Variants in ASMT observed in about 807,000 individuals in gnomAD.
ASMT encodes the protein acetylserotonin N-methyltransferase.
ASMT carries 53 observed loss-of-function variants against 41.3 expected under a neutral mutation model. The observed-to-expected ratio is 1.28, with a 90% CI of 1.03 to 1.61. The LOEUF is 1.61. ASMT is among the 40% of genes most tolerant of loss of function. The pLI is 0.00. For synonymous variants in ASMT, 231 were observed against 184.8 expected (o/e 1.25, Z -2.03); for missense variants, 531 against 441.3 (o/e 1.20, Z -1.82).
chrX:1,625,483 A>G, intron 3 of ASMT, among the ~76,000 whole-genome samples: 1 of 137,048 alleles, frequency 7.3e-6, no homozygotes. Flanking sequence ...AACAGAGCAA[A>G]AACTCTGTCT....
intron 4 of ASMT, chrX:1,628,046 C>T (rs756310135): frequency 7.6e-5 from 40 of 525,676 alleles, no homozygotes; most frequent in African/African-American, 5.3e-4. Context: ...ACGCGCCGGG[C>T]GCGGTGGCTC....
At chrX:1,633,412 A>G (rs1934849515) in intron 7 of ASMT, 122 bp downstream of exon 7, 1 of 1,132,924 alleles carries the variant, frequency 8.8e-7, no homozygotes, top group South Asian at 1.2e-5. Context: ...AACACCCTCA[A>G]CTCAACACTG....
intron 2 of ASMT, 94 bp downstream of exon 2, chrX:1,623,407 TCA>T (rs1454311457): frequency 6.7e-7 from 1 of 1,492,876 alleles, no homozygotes; most frequent in Non-Finnish European, 9.3e-7. Context: ...CCATCCTGGC[TCA>T]CACAGTGAAA....
At chrX:1,634,934 G>C (rs1428747598) in intron 7 of ASMT, among the ~76,000 whole-genome samples, 1 of 150,370 alleles carries the variant, frequency 6.7e-6, no homozygotes, top group South Asian at 2.1e-4. Context: ...CAAAGTGCTG[G>C]GGATTACAGG....
intron 1 of ASMT, among the ~76,000 whole-genome samples, chrX:1,621,777 C>A (rs1239976613): frequency 6.6e-6 from 1 of 152,126 alleles, no homozygotes; most frequent in Non-Finnish European, 1.5e-5. Flanking sequence ...CTCACCACAA[C>A]CTCTGCCTCC....
Position 1,627,803 on chromosome X carries a change from A to C in ASMT, c.443+32A>C, listed in dbSNP as rs201647880. 137 of 1,591,618 alleles carry C rather than the reference A, an allele frequency of 8.6e-5. No individual in the cohort carries two copies. The East Asian group carries it at 1.6e-3, about 19-fold the overall frequency. On this transcript the variant is annotated intron_variant, in intron 4 of 8. Transcript: ENST00000381241. ...CCCATCACTTTGAAACCAACAACTC[A>C]GATAAGATTCTGTTTATTTTTAAAG...
At chrX:1,629,970 G>C in intron 5 of ASMT, 31 bp downstream of exon 5, 1 of 1,559,660 alleles carries the variant, frequency 6.4e-7, no homozygotes, top group South Asian at 1.1e-5. Flanking sequence ...ATACCTCGGA[G>C]GTGTGGCTTC....
rs780812883 is a variant in ASMT at position 1,633,117 on chromosome X, T to C, written c.647-33T>C. The C allele has an allele frequency of 5.0e-6, 8 of 1,613,618 alleles. No individual in the cohort carries two copies. The South Asian group carries it at 8.8e-5, about 18-fold the overall frequency. On this transcript the variant is annotated intron_variant, in intron 6 of 8. Transcript: ENST00000381241. ...GTGAGCGATGTCTCTCAGGTTCATC[T>C]CTGAGGGTCAAACGGGCTGTGTCCC... is the stretch of plus-strand genomic sequence containing the variant.
chrX:1,632,746 C>T lies in ASMT; in HGVS notation c.605C>T (p.Ser202Leu), dbSNP rs764979494. The change falls in exon 6 of 9, where the codon TCG becomes TTG. Residue 202 changes from serine (S) to leucine (L), a missense_variant. Ser to Leu is a moderately radical substitution (Grantham distance 145, BLOSUM62 -2). Coordinates refer to ENST00000381241, the MANE Select transcript of ASMT (RefSeq NM_001171038.2). ...GAAACCATCATTCTCAGCAAACTAT[C>T]GCAAGGACAGAAAACCAAACACCGC... ...KLETIILSKL[S>L]QGQKTKHRVF... 19 of 300,120 alleles carry T rather than the reference C, an allele frequency of 6.3e-5. No individual in the cohort carries two copies. Among genetic ancestry groups the T allele is most frequent in the South Asian group, 2.6e-4 (7 of 26,734 alleles). 18.6% of individuals were successfully genotyped at this position (300,120 alleles called of 1,614,324 possible).
At chrX:1,621,254 C>T (rs1284966381) in intron 1 of ASMT, among the ~76,000 whole-genome samples, 1 of 152,166 alleles carries the variant, frequency 6.6e-6, no homozygotes, top group Admixed American at 6.6e-5. Context: ...ACTAAGGTTG[C>T]CTGAGCCTTG....
At chrX:1,617,071 G>T (rs1386261897) in intron 1 of ASMT, among the ~76,000 whole-genome samples, 1 of 152,154 alleles carries the variant, frequency 6.6e-6, no homozygotes, top group African/African-American at 2.4e-5. Context: ...TACTCAGGAG[G>T]CTGAGGCGGG....
At chrX:1,619,647 C>T (rs1934268928) in intron 1 of ASMT, among the ~76,000 whole-genome samples, 1 of 147,860 alleles carries the variant, frequency 6.8e-6, no homozygotes, top group Non-Finnish European at 1.5e-5. Context: ...TTAACAGAAA[C>T]AGTTAATGCA....
intron 7 of ASMT, among the ~76,000 whole-genome samples, chrX:1,635,840 C>A (rs1934937832): frequency 6.6e-6 from 1 of 150,892 alleles, no homozygotes; most frequent in African/African-American, 2.4e-5. Flanking sequence ...CCAGCCTGGG[C>A]AACAAGAGCA....
chrX:1,622,271 C>T (rs1423147983), intron 1 of ASMT, among the ~76,000 whole-genome samples: 2 of 150,752 alleles, frequency 1.3e-5, no homozygotes, highest in African/African-American at 2.4e-5. Context: ...GGATTACAGG[C>T]GTGAGCCACC....
chrX:1,627,762 C>T lies in ASMT; in HGVS notation c.434C>T (p.Ala145Val). The T allele has an allele frequency of 6.2e-7, 1 of 1,613,790 alleles. No individual in the cohort carries two copies. Among genetic ancestry groups the T allele is most frequent in the African/African-American group, 1.3e-5 (1 of 75,026 alleles). ...GTTCCCGCTGAAGAGCTTTTTACGG[C>T]CATCTACAGGTAACACCCATCACTT... is the stretch of plus-strand genomic sequence containing the variant. ...FGVPAEELFT[A>V]IYRSEGERLQ... is the part of the protein sequence containing the mutation. The change falls in exon 4 of 9, where the codon GCC becomes GTC. Residue 145 changes from alanine to valine, a missense_variant. Ala to Val is a moderately conservative substitution (Grantham distance 64). Transcript: ENST00000381241.
chrX:1,617,204 C>G (rs1934166835), intron 1 of ASMT, among the ~76,000 whole-genome samples: 2 of 151,352 alleles, frequency 1.3e-5, no homozygotes, highest in Admixed American at 1.3e-4. Context: ...CGCGGTGGCT[C>G]ATGCCTGTCA....
In ASMT at chrX:1,627,737, G is replaced by C. The variant is rs759145050; in HGVS notation, c.409G>C (p.Val137Leu). 2.7e-5 allele frequency: 43 copies of C among 1,613,842 alleles called. No individual in the cohort carries two copies. In the South Asian group the frequency reaches 4.6e-4, roughly 17 times the overall value. ...GAACCAGTACCTGGAGACGTTTGGC[G>C]TTCCCGCTGAAGAGCTTTTTACGGC... ...GRNQYLETFGVPAEELFTAIY... is the reference protein window; with the variant it reads ...GRNQYLETFGLPAEELFTAIY... The change falls in exon 4 of 9, where the codon GTT becomes CTT. Residue 137 changes from valine (V) to leucine (L), a missense_variant. By Grantham distance (32) the Val-to-Leu change is conservative. Coordinates refer to ENST00000381241, the MANE Select transcript of ASMT (RefSeq NM_001171038.2).
rs371332891 is a variant in ASMT at position 1,623,288 on chromosome X, G to A, written c.219G>A (p.Leu73=). ...ACATCTGTGTGTCCCTGAAGCTGCT[G>A]AAAGTGGAGACGAGGGGAGGAAAAG... ...LLDICVSLKL[L]KVETRGGKAF... The change falls in exon 2 of 9, where the codon CTG becomes CTA. Residue 73 remains leucine, a synonymous_variant. Transcript: ENST00000381241. 10 of 1,613,840 alleles carry A rather than the reference G, an allele frequency of 6.2e-6. No homozygotes were observed. The highest frequency in any genetic ancestry group is 7.6e-6 in the Non-Finnish European group (9 of 1,179,886).
intron 5 of ASMT, 148 bp downstream of exon 5, chrX:1,630,087 G>C: frequency 1.2e-6 from 1 of 802,374 alleles, no homozygotes; most frequent in Non-Finnish European, 2.2e-6. Flanking sequence ...CCCAGCACTG[G>C]GCACTTCCTA....
Sources: allele counts gnomAD v4.1 joint callset (sites outside exome capture counted in the v4.1 genomes callset), GRCh38; gene constraint gnomAD v4.1.1; transcripts MANE v1.5; gene names NCBI Gene and HGNC (gene_info 2026-07-23, HGNC 2026-07-21).